Variants in MFN1 observed in about 807,000 individuals in gnomAD.
MFN1 encodes the protein mitofusin-1.
Under a neutral mutation model 92.4 loss-of-function variants are expected in MFN1, and 65 were observed. The observed-to-expected ratio is 0.70, with a 90% confidence interval of 0.58 to 0.86. MFN1 has a LOEUF of 0.86. MFN1 is among the 40% of genes least tolerant of loss of function. The pLI is 0.00. For missense variants in MFN1, 781 were observed against 868.0 expected, an observed-to-expected ratio of 0.90 and a Z score of 1.26; for synonymous variants, 297 against 300.9, an observed-to-expected ratio of 0.99 and a Z score of 0.13.
chr3:179,348,313 T>C (rs12496351), intron 1 of MFN1, among the ~76,000 whole-genome samples: 10,244 of 152,304 alleles, frequency 0.067, 667 homozygotes, highest in Admixed American at 0.14. Context: ...AAACCACCTA[T>C]GCTTTCTTAA....
intron 16 of MFN1, among the ~76,000 whole-genome samples, chr3:179,388,482 T>C (rs1713782850): frequency 6.6e-6 from 1 of 152,210 alleles, no homozygotes; most frequent in East Asian, 1.9e-4. Context: ...TAAAAATATA[T>C]AGAACTCCAG....
rs1012656257 is a variant in MFN1 at position 179,364,245 on chromosome 3, C to T, written c.537-52C>T. On this transcript the variant is annotated intron_variant, in intron 5 of 17. Coordinates refer to ENST00000471841, the MANE Select transcript of MFN1 (RefSeq NM_033540.3). ...ATAAAAGCTGAAAAAATTCTGTAAC[C>T]CAAATTTTCTTTTTAAGAAATATAA... The T allele has an allele frequency of 6.2e-5, 80 of 1,281,994 alleles. 1 individual carries two copies. In the South Asian group the frequency reaches 1.3e-3, roughly 20 times the overall value. The allele number at this position is 1,281,994 out of a possible 1,614,324, so 79.4% of individuals were successfully genotyped here.
chr3:179,385,485 G>C, intron 14 of MFN1, 84 bp from the exon 15 acceptor site: 1 of 1,253,796 alleles, frequency 8.0e-7, no homozygotes, highest in Non-Finnish European at 1.1e-6. Flanking sequence ...TCATAGATGT[G>C]CTACTATAAT....
At chr3:179,365,049 TTAAAA>T (rs1215498440) in intron 6 of MFN1, 64 bp from the exon 7 acceptor site, 7 of 897,250 alleles carry the variant, frequency 7.8e-6, no homozygotes, top group African/African-American at 1.8e-5. Context: ...GACTTTCTCA[TTAAAA>T]TAAAATTTCA....
chr3:179,358,152 T>TC (rs1456930024), intron 3 of MFN1, among the ~76,000 whole-genome samples: 3 of 143,202 alleles, frequency 2.1e-5, no homozygotes, highest in African/African-American at 5.4e-5. Context: ...CTCATTTTGT[T>TC]TTTTTTTTTT....
intron 12 of MFN1, chr3:179,378,135 G>T: frequency 1.9e-6 from 1 of 535,026 alleles, no homozygotes; most frequent in Non-Finnish European, 3.3e-6. Context: ...GAGGCAGGAG[G>T]ATCGCGTGAG....
Position 179,362,434 on chromosome 3 carries a change from C to G in MFN1, c.488C>G (p.Pro163Arg). Residue 163 changes from proline (P) to arginine (R), a missense_variant, in exon 5 of 18, where the codon CCA (proline) becomes CGA (arginine). By Grantham distance (103) the Pro-to-Arg change is moderately radical. Coordinates refer to ENST00000471841, the MANE Select transcript of MFN1 (RefSeq NM_033540.3). ...KAGCLVRVFW[P>R]KAKCALLRDD... ...GGCTGTCTTGTACGTGTGTTTTGGCCAAAAGCAAAATGTGCCCTCTTGAGA... is the reference window on the plus strand; with the variant it reads ...GGCTGTCTTGTACGTGTGTTTTGGCGAAAAGCAAAATGTGCCCTCTTGAGA... 6.2e-7 allele frequency: 1 copy of G among 1,613,686 alleles called. No homozygotes were observed. The highest frequency in any genetic ancestry group is 8.5e-7 in the Non-Finnish European group (1 of 1,179,922).
At chr3:179,376,164 T>G (rs1713232945) in intron 10 of MFN1, among the ~76,000 whole-genome samples, 1 of 152,216 alleles carries the variant, frequency 6.6e-6, no homozygotes, top group African/African-American at 2.4e-5. Context: ...ATAATGGTAC[T>G]TTCTTAGGAA....
At chr3:179,355,349 A>T (rs1368187722) in intron 3 of MFN1, among the ~76,000 whole-genome samples, 1 of 152,122 alleles carries the variant, frequency 6.6e-6, no homozygotes, top group African/African-American at 2.4e-5. Flanking sequence ...CTGGGAATGC[A>T]GCCCAGTAGG....
At chr3:179,352,490 T>G (rs1439959983) in intron 3 of MFN1, among the ~76,000 whole-genome samples, 1 of 152,228 alleles carries the variant, frequency 6.6e-6, no homozygotes, top group Admixed American at 6.5e-5. Context: ...TTGATAAGAC[T>G]TATCAATAAA....
At chr3:179,390,198 A>G (rs1022371376) in intron 17 of MFN1, 60 bp downstream of exon 17, 18 of 1,313,320 alleles carry the variant, frequency 1.4e-5, no homozygotes, top group Middle Eastern at 2.3e-4. Context: ...CAAAATATGT[A>G]AAATTATTAA....
At chr3:179,350,867 G>GT (rs1433778620) in intron 2 of MFN1, among the ~76,000 whole-genome samples, 4 of 152,024 alleles carry the variant, frequency 2.6e-5, no homozygotes, top group African/African-American at 7.2e-5. Context: ...TTTTGTTTTT[G>GT]TTTTTTTGAG....
chr3:179,359,567 C>T (rs34535060), intron 4 of MFN1, among the ~76,000 whole-genome samples: 28,761 of 144,834 alleles, frequency 0.2, 3,177 homozygotes, highest in Admixed American at 0.24. Context: ...ATTACAGGTG[C>T]GCACCATCAT....
At chr3:179,379,541 A>G (rs937508728) in intron 14 of MFN1, among the ~76,000 whole-genome samples, 1 of 152,230 alleles carries the variant, frequency 6.6e-6, no homozygotes, top group South Asian at 2.1e-4. Context: ...TTTAGTAGAC[A>G]TGGGGTTTCA....
At chr3:179,364,434 G>A (rs924621670) in intron 6 of MFN1, 29 bp downstream of exon 6, 5 of 1,475,250 alleles carry the variant, frequency 3.4e-6, no homozygotes, top group African/African-American at 2.8e-5. Context: ...ATTGTGTTTC[G>A]ATGGTAGGAA....
At chr3:179,381,870 C>A (rs773861106) in intron 14 of MFN1, among the ~76,000 whole-genome samples, 10 of 152,168 alleles carry the variant, frequency 6.6e-5, no homozygotes, top group South Asian at 2.1e-4. Flanking sequence ...CCTAAAAAAT[C>A]TGAAATCTGA....
chr3:179,357,320 ATGTAATTCT>A (rs1357340368), intron 3 of MFN1, among the ~76,000 whole-genome samples: 1 of 152,188 alleles, frequency 6.6e-6, no homozygotes, highest in Non-Finnish European at 1.5e-5. Flanking sequence ...AGACCCCGGC[ATGTAATTCT>A]TGTTAACCCT....
chr3:179,375,403 T>G, intron 10 of MFN1, 62 bp downstream of exon 10: 1 of 1,594,208 alleles, frequency 6.3e-7, no homozygotes, highest in Non-Finnish European at 8.6e-7. Context: ...TTTGTTAAGA[T>G]GAGGTTTTAA....
chr3:179,386,657 A>G, intron 16 of MFN1, 28 bp downstream of exon 16: 1 of 1,554,342 alleles, frequency 6.4e-7, no homozygotes, highest in South Asian at 1.2e-5. Context: ...TCTTTCCTTT[A>G]AAAAAAAGTT....
Sources: gnomAD v4.1 joint callset for allele counts (sites outside exome capture counted in the v4.1 genomes callset) on GRCh38, gnomAD v4.1.1 for gene constraint, MANE v1.5 for transcripts, NCBI Gene and HGNC (gene_info 2026-07-23, HGNC 2026-07-21) for gene names.